The following ARPP19 variants were observed in gnomAD, a reference collection of about 807,000 sequenced individuals.
ARPP19 encodes cAMP-regulated phosphoprotein 19.
ARPP19 carries 8 observed loss-of-function variants against 12.0 expected under a neutral mutation model. The observed-to-expected ratio is 0.67, with a 90% CI of 0.39 to 1.21. ARPP19 has a LOEUF of 1.21. ARPP19 is among the 50% of genes most tolerant of loss of function. The pLI, the probability that ARPP19 is intolerant of heterozygous loss-of-function variation, is 0.01. For synonymous variants in ARPP19, 47 were observed against 50.4 expected (o/e 0.93, Z 0.29); for missense variants, 102 against 136.3 (o/e 0.75, Z 1.25).
At chr15:52,559,628 T>C (rs2078014054) in intron 1 of ARPP19, among the ~76,000 whole-genome samples, 1 of 152,194 alleles carries the variant, frequency 6.6e-6, no homozygotes, top group Non-Finnish European at 1.5e-5. Flanking sequence ...CCTAACCCCA[T>C]GTAAGATATG....
At chr15:52,556,648 A>T (rs2077984444) in intron 2 of ARPP19, among the ~76,000 whole-genome samples, 1 of 152,124 alleles carries the variant, frequency 6.6e-6, no homozygotes, top group South Asian at 2.1e-4. Context: ...ACCTGCAAAA[A>T]ATATGGAAGT....
chr15:52,563,662 C>G (rs985154006), intron 1 of ARPP19, among the ~76,000 whole-genome samples: 8 of 152,156 alleles, frequency 5.3e-5, no homozygotes, highest in Admixed American at 2.6e-4. Flanking sequence ...ATGACTGATA[C>G]CACTTTTCAG....
intron 1 of ARPP19, among the ~76,000 whole-genome samples, chr15:52,562,735 G>A (rs17708230): frequency 0.073 from 11,093 of 151,890 alleles, 538 homozygotes; most frequent in East Asian, 0.17. Context: ...CTCAATGAGC[G>A]ATGCATCCAA....
chr15:52,555,321 C>A (rs1347179812), intron 2 of ARPP19, among the ~76,000 whole-genome samples: 1 of 151,908 alleles, frequency 6.6e-6, no homozygotes, highest in Non-Finnish European at 1.5e-5. Flanking sequence ...AGCCTATTAG[C>A]CAAGGTTATG....
At chr15:52,553,277 T>TA (rs1333609344) in intron 2 of ARPP19, among the ~76,000 whole-genome samples, 2 of 152,144 alleles carry the variant, frequency 1.3e-5, no homozygotes, top group African/African-American at 2.4e-5. Flanking sequence ...AATTATTACT[T>TA]AAAATGCATA....
chr15:52,557,124 G>GA lies in ARPP19; in HGVS notation c.143dup (p.Arg50LysfsTer12). The GA allele has an allele frequency of 6.2e-7, 1 of 1,612,224 alleles. No homozygotes were observed. Among genetic ancestry groups the GA allele is most frequent in the Non-Finnish European group, 8.5e-7 (1 of 1,179,836 alleles). On this transcript the variant is annotated frameshift_variant, in exon 2 of 3. Transcript: ENST00000249822. LOFTEE classifies it high-confidence loss of function. ...CCCCTTTCTGCAACCGTTTCCTTAAGAAATCTGAACCTCCAGGCTTTTGTC... is the reference window on the plus strand; with the variant it reads ...CCCCTTTCTGCAACCGTTTCCTTAAGAAAATCTGAACCTCCAGGCTTTTGTC...
chr15:52,563,932 T>C lies in ARPP19; in HGVS notation c.45+4916A>G, dbSNP rs1595867496. 2.0e-5 allele frequency among the ~76,000 whole-genome samples: 3 copies of C among 152,314 alleles called. No homozygotes were observed. In the South Asian group the frequency reaches 6.2e-4, roughly 32 times the overall value. On this transcript the variant is annotated intron_variant, in intron 1 of 2. Transcript: ENST00000249822. ...TGCCTAGCATTTAATGAATGTTCAA[T>C]AAAAGTTCATTCATCTGAATGAAAA...
chr15:52,561,424 A>T (rs1348697657), intron 1 of ARPP19, among the ~76,000 whole-genome samples: 1 of 152,230 alleles, frequency 6.6e-6, no homozygotes, highest in African/African-American at 2.4e-5. Flanking sequence ...ATAACAAGTC[A>T]ATATTGTAAT....
chr15:52,557,499 T>A (rs1341984108), intron 1 of ARPP19: 1 of 319,146 alleles, frequency 3.1e-6, no homozygotes, highest in African/African-American at 2.2e-5. Context: ...TGCCATTACT[T>A]TTCCAGTCAT....
intron 2 of ARPP19, 80 bp downstream of exon 2, chr15:52,557,020 C>T: frequency 6.9e-7 from 1 of 1,441,006 alleles, no homozygotes; most frequent in Admixed American, 1.8e-5. Flanking sequence ...ATGCTATACG[C>T]ACAGATATCC....
At chr15:52,559,963 C>G (rs1370560522) in intron 1 of ARPP19, among the ~76,000 whole-genome samples, 1 of 152,148 alleles carries the variant, frequency 6.6e-6, no homozygotes, top group African/African-American at 2.4e-5. Flanking sequence ...AAAAATTCAG[C>G]TTTCTTGAGC....
At chr15:52,561,063 C>T (rs1250276766) in intron 1 of ARPP19, among the ~76,000 whole-genome samples, 1 of 152,156 alleles carries the variant, frequency 6.6e-6, no homozygotes, top group African/African-American at 2.4e-5. Context: ...TTTTTAAAAA[C>T]ATGCAAAGTG....
At position 52,568,953 on chromosome 15, in the gene ARPP19, C is replaced by T; in HGVS notation, c.-61G>A. 8.2e-7 allele frequency: 1 copy of T among 1,219,746 alleles called. No homozygotes were observed. Among genetic ancestry groups the T allele is most frequent in the Non-Finnish European group, 1.2e-6 (1 of 864,256 alleles). The allele number at this position is 1,219,746 out of a possible 1,614,324, so 75.6% of individuals were successfully genotyped here. ...TGCAATTAGCGGGTGGCCGAGGCCA[C>T]CCGGCCGCCGCCCGTCCCAGCTCTC... is the stretch of plus-strand genomic sequence containing the variant. On this transcript the variant is annotated 5_prime_UTR_variant, in exon 1 of 3. In the 5' UTR this introduces an upstream ATG that the reference lacks. Coordinates refer to ENST00000249822, the MANE Select transcript of ARPP19 (RefSeq NM_006628.6).
chr15:52,568,214 C>T (rs1301201886), intron 1 of ARPP19: 1 of 152,194 alleles, frequency 6.6e-6, no homozygotes, highest in East Asian at 1.9e-4. Context: ...GATTTTTAGT[C>T]AAGTACCATA....
At chr15:52,552,407 TA>T (rs899967835) in intron 2 of ARPP19, among the ~76,000 whole-genome samples, 6 of 147,978 alleles carry the variant, frequency 4.1e-5, no homozygotes, top group Non-Finnish European at 6.0e-5. Flanking sequence ...CTGTCTCTAC[TA>T]AAAAAAAACA....
chr15:52,564,117 C>T (rs889397993), intron 1 of ARPP19: 6 of 1,071,002 alleles, frequency 5.6e-6, no homozygotes, highest in Admixed American at 2.1e-5. Flanking sequence ...AAAGAAGCAA[C>T]CCTAACAAAC....
rs1172628995 is a variant in ARPP19 at position 52,551,083 on chromosome 15, T to C, written c.*851A>G. 5 of 152,704 alleles carry C rather than the reference T, an allele frequency of 3.3e-5. No homozygotes were observed. Among genetic ancestry groups the C allele is most frequent in the Non-Finnish European group, 2.9e-5 (2 of 68,048 alleles). 9.5% of individuals were successfully genotyped at this position (152,704 alleles called of 1,614,324 possible). On this transcript the variant is annotated 3_prime_UTR_variant, in exon 3 of 3. Transcript: ENST00000249822. ...CCGAGATTGTAAACTACTCTTATTA[T>C]ACAAAAGCTATAATGATTTACAGAG... is the stretch of plus-strand genomic sequence containing the variant.
At chr15:52,568,818 G>A in intron 1 of ARPP19, 30 bp downstream of exon 1, 1 of 1,534,220 alleles carries the variant, frequency 6.5e-7, no homozygotes, top group East Asian at 2.7e-5. Context: ...GCCTTGGGCA[G>A]GGCCCAGGGC....
chr15:52,558,753 A>T (rs1241607153), intron 1 of ARPP19, among the ~76,000 whole-genome samples: 1 of 151,306 alleles, frequency 6.6e-6, no homozygotes, highest in African/African-American at 2.4e-5. Context: ...AAATTTTGGC[A>T]TATATTTCAC....
Sources: gnomAD v4.1 joint callset for allele counts (sites outside exome capture counted in the v4.1 genomes callset) on GRCh38, gnomAD v4.1.1 for gene constraint, MANE v1.5 for transcripts, NCBI Gene and HGNC (gene_info 2026-07-23, HGNC 2026-07-21) for gene names.